Variants in ATG10 observed in about 807,000 individuals in gnomAD.
ATG10 encodes the protein ubiquitin-like-conjugating enzyme ATG10.
In ATG10, 30 loss-of-function variants were observed where a neutral mutation model predicts 32.1. The ratio of observed to expected loss-of-function variants is 0.94; its 90% CI spans 0.70 to 1.27. ATG10 has a LOEUF of 1.27. Among genes scored for constraint, ATG10 ranks in the 50% most tolerant of loss-of-function variants. The pLI is 0.00. For missense variants in ATG10, 233 were observed against 262.3 expected (o/e 0.89, Z 0.77); for synonymous variants, 87 against 91.5 (o/e 0.95, Z 0.28).
At chr5:82,212,659 C>T (rs1424582295) in intron 5 of ATG10, among the ~76,000 whole-genome samples, 1 of 152,198 alleles carries the variant, frequency 6.6e-6, no homozygotes, top group Admixed American at 6.5e-5. Flanking sequence ...AGGGCCCTTT[C>T]ATACTGTGCC....
In ATG10 at chr5:82,091,526, CT is replaced by C. The variant is rs1335796869; in HGVS notation, c.216+32928del. On this transcript the variant is annotated intron_variant, in intron 3 of 7. Coordinates refer to ENST00000282185, the MANE Select transcript of ATG10 (RefSeq NM_031482.5). ...CTTGAAAGTTAGGAACTGGGGTTCTCTTTTAACAGAGATCTTCTTAAACACT... is the reference window on the plus strand; with the variant it reads ...CTTGAAAGTTAGGAACTGGGGTTCTCTTTAACAGAGATCTTCTTAAACACT... 2.6e-5 allele frequency among the ~76,000 whole-genome samples: 4 copies of C among 152,244 alleles called. No individual in the cohort carries two copies. The South Asian group carries it at 6.2e-4, about 24-fold the overall frequency.
intron 3 of ATG10, among the ~76,000 whole-genome samples, chr5:82,083,211 C>A (rs1489631040): frequency 6.6e-6 from 1 of 152,160 alleles, no homozygotes; most frequent in Non-Finnish European, 1.5e-5. Flanking sequence ...AGAATCCCAC[C>A]CCTACGGAGC....
At position 82,253,391 on chromosome 5, in the gene ATG10, A is replaced by T; in HGVS notation, c.629A>T (p.Lys210Ile). Residue 210 changes from lysine (K) to isoleucine (I), a missense_variant, in exon 7 of 8, where the codon AAA (lysine) becomes ATA (isoleucine). Coordinates refer to ENST00000282185, the MANE Select transcript of ATG10 (RefSeq NM_031482.5). ...VGLNLPLSYAKATSQDERNVP is the reference protein window; with the variant it reads ...VGLNLPLSYAIATSQDERNVP Reference sequence around the variant, plus strand: ...CTGAATCTACCTCTGAGTTATGCCAAAGCAACGTCTCAGGATGAACGAAAT... The same window carrying T: ...CTGAATCTACCTCTGAGTTATGCCATAGCAACGTCTCAGGATGAACGAAAT... 1 of 1,610,196 alleles carries T rather than the reference A, an allele frequency of 6.2e-7. No individual in the cohort carries two copies. Among genetic ancestry groups the T allele is most frequent in the African/African-American group, 1.3e-5 (1 of 75,030 alleles).
intron 2 of ATG10, among the ~76,000 whole-genome samples, chr5:81,997,907 T>G (rs1451956528): frequency 6.6e-6 from 1 of 152,214 alleles, no homozygotes; most frequent in Non-Finnish European, 1.5e-5. Flanking sequence ...ATCACCCCTG[T>G]GACTCATTGG....
At chr5:82,060,061 G>A (rs1192527318) in intron 3 of ATG10, among the ~76,000 whole-genome samples, 2 of 152,190 alleles carry the variant, frequency 1.3e-5, no homozygotes, top group Admixed American at 1.3e-4. Flanking sequence ...TTGACAGTGT[G>A]AGGGAACTGA....
intron 2 of ATG10, among the ~76,000 whole-genome samples, chr5:81,990,067 G>A (rs1761410442): frequency 6.6e-6 from 1 of 152,080 alleles, no homozygotes; most frequent in Non-Finnish European, 1.5e-5. Flanking sequence ...TGCAAACTAA[G>A]AGGTTTATTT....
intron 5 of ATG10, among the ~76,000 whole-genome samples, chr5:82,197,122 T>G (rs1474135666): frequency 2.6e-5 from 4 of 152,202 alleles, no homozygotes; most frequent in African/African-American, 9.6e-5. Context: ...TCATTAAATT[T>G]ATTCCTACAT....
chr5:82,125,850 A>G (rs986983579), intron 3 of ATG10, among the ~76,000 whole-genome samples: 6 of 152,194 alleles, frequency 3.9e-5, no homozygotes, highest in Non-Finnish European at 7.3e-5. Flanking sequence ...CGTTGAATCT[A>G]TAAATTAGTT....
chr5:82,138,991 C>T (rs374776324), intron 3 of ATG10, among the ~76,000 whole-genome samples: 3 of 150,496 alleles, frequency 2.0e-5, no homozygotes, highest in Non-Finnish European at 4.4e-5. Flanking sequence ...TGCCTGCGAT[C>T]GCAGGCACGC....
chr5:82,114,006 T>G (rs539585698), intron 3 of ATG10, among the ~76,000 whole-genome samples: 1 of 151,752 alleles, frequency 6.6e-6, no homozygotes, highest in South Asian at 2.1e-4. Flanking sequence ...CTAGTAATCA[T>G]TTAGTCTATG....
At chr5:82,193,133 C>G (rs746805667) in intron 5 of ATG10, among the ~76,000 whole-genome samples, 4 of 152,142 alleles carry the variant, frequency 2.6e-5, no homozygotes, top group African/African-American at 9.7e-5. Context: ...CTCCCCCAAC[C>G]GTGCCATTAG....
chr5:82,211,436 C>G (rs1337661847), intron 5 of ATG10, among the ~76,000 whole-genome samples: 3 of 152,166 alleles, frequency 2.0e-5, no homozygotes, highest in Non-Finnish European at 4.4e-5. Context: ...TGTCCTTTCT[C>G]TCCTCTGACC....
intron 5 of ATG10, among the ~76,000 whole-genome samples, chr5:82,222,323 G>A (rs1263537183): frequency 3.3e-5 from 5 of 152,190 alleles, no homozygotes; most frequent in Non-Finnish European, 7.4e-5. Context: ...CTGGAGCAAG[G>A]TACTGAGCCT....
chr5:82,058,653 T>G, intron 3 of ATG10, 51 bp downstream of exon 3: 2 of 1,263,090 alleles, frequency 1.6e-6, no homozygotes, highest in Non-Finnish European at 2.3e-6. Flanking sequence ...AAGTATACAT[T>G]TAAAAATGTA....
At chr5:82,185,692 T>C (rs1327299602) in intron 5 of ATG10, among the ~76,000 whole-genome samples, 1 of 152,166 alleles carries the variant, frequency 6.6e-6, no homozygotes, top group Admixed American at 6.5e-5. Context: ...TGCTTTTGAC[T>C]CTCAGTGATG....
intron 2 of ATG10, among the ~76,000 whole-genome samples, chr5:82,014,739 G>A (rs1324187082): frequency 6.6e-6 from 1 of 152,106 alleles, no homozygotes; most frequent in Non-Finnish European, 1.5e-5. Context: ...ACGTGAGATG[G>A]GTCTCCTGAA....
intron 2 of ATG10, among the ~76,000 whole-genome samples, chr5:82,015,480 T>A (rs539442764): frequency 1.4e-4 from 21 of 152,352 alleles, no homozygotes; most frequent in African/African-American, 5.0e-4. Context: ...GACGTAGATT[T>A]GGTCTTTTCA....
chr5:82,076,804 G>T (rs925613675), intron 3 of ATG10, among the ~76,000 whole-genome samples: 2 of 152,162 alleles, frequency 1.3e-5, no homozygotes, highest in Non-Finnish European at 2.9e-5. Context: ...TTAAATATGT[G>T]AAGAGTACTC....
chr5:82,236,678 T>A (rs1057435738), intron 5 of ATG10, among the ~76,000 whole-genome samples: 1 of 152,234 alleles, frequency 6.6e-6, no homozygotes, highest in East Asian at 1.9e-4. Context: ...GTATATGAAT[T>A]TGATGAACTG....
Sources: allele counts gnomAD v4.1 joint callset (sites outside exome capture counted in the v4.1 genomes callset), GRCh38; gene constraint gnomAD v4.1.1; transcripts MANE v1.5; gene names NCBI Gene and HGNC (gene_info 2026-07-23, HGNC 2026-07-21).